FBXL2: variants seen among roughly 807,000 people sequenced by gnomAD.
FBXL2 encodes the protein F-box and leucine rich repeat protein 2.
FBXL2 carries 38 observed loss-of-function variants against 69.2 expected under a neutral mutation model. The observed-to-expected ratio is 0.55, with a 90% CI of 0.42 to 0.72. FBXL2 has a LOEUF of 0.72. Among genes scored for constraint, FBXL2 ranks in the 30% least tolerant of loss-of-function variants. FBXL2 has a pLI of 0.00. For missense variants in FBXL2, 354 were observed against 520.3 expected, an observed-to-expected ratio of 0.68 and a Z score of 3.11; for synonymous variants, 192 against 201.3, an observed-to-expected ratio of 0.95 and a Z score of 0.39.
intron 12 of FBXL2, chr3:33,396,188 C>T (rs2043986655): frequency 1.3e-6 from 2 of 1,593,276 alleles, no homozygotes; most frequent in African/African-American, 1.3e-5. Context: ...GCCATTCTCG[C>T]TTGCACTGCT....
At chr3:33,416,835 CTATT>C in the FBXL2 span, 1 of 1,612,434 alleles carries the variant, frequency 6.2e-7, no homozygotes, top group South Asian at 1.1e-5. Flanking sequence ...TATGACTGAC[CTATT>C]TAAAGAAATT....
chr3:33,312,273 G>A (rs1281714401), intron 2 of FBXL2, among the ~76,000 whole-genome samples: 2 of 151,986 alleles, frequency 1.3e-5, no homozygotes, highest in African/African-American at 2.4e-5. Flanking sequence ...GCCCAGGCTG[G>A]TCTCCAACTC....
At chr3:33,364,416 A>G in intron 4 of FBXL2, 1 of 578,152 alleles carries the variant, frequency 1.7e-6, no homozygotes, top group East Asian at 2.9e-5. Flanking sequence ...TTGGTTTTAG[A>G]ATACTTAATG....
chr3:33,318,876 G>C (rs1195566845), intron 2 of FBXL2, among the ~76,000 whole-genome samples: 2 of 152,160 alleles, frequency 1.3e-5, no homozygotes, highest in African/African-American at 2.4e-5. Context: ...CATTTATCCA[G>C]CTTACTTTTC....
chr3:33,278,388 G>C (rs1299562057), intron 1 of FBXL2: 7 of 152,266 alleles, frequency 4.6e-5, no homozygotes, highest in East Asian at 1.9e-4. Context: ...TAGAATACTT[G>C]AGGAGGTATG....
At chr3:33,385,434 A>C in intron 14 of FBXL2, 67 bp from the exon 15 acceptor site, 2 of 1,366,590 alleles carry the variant, frequency 1.5e-6, no homozygotes, top group Non-Finnish European at 2.1e-6. Flanking sequence ...AGGTTTTTCT[A>C]GAATTATGAC....
At chr3:33,294,763 A>G (rs2035581838) in intron 1 of FBXL2, among the ~76,000 whole-genome samples, 1 of 151,354 alleles carries the variant, frequency 6.6e-6, no homozygotes, top group South Asian at 2.1e-4. Context: ...GGATTGCTTG[A>G]GCCAGGGAGG....
At chr3:33,287,181 A>G (rs1184762427) in intron 1 of FBXL2, among the ~76,000 whole-genome samples, 1 of 151,968 alleles carries the variant, frequency 6.6e-6, no homozygotes, top group African/African-American at 2.4e-5. Flanking sequence ...TTTTTTTTTA[A>G]CTCAAGGTTT....
At chr3:33,278,957 T>G (rs2033647004) in intron 1 of FBXL2, among the ~76,000 whole-genome samples, 1 of 152,218 alleles carries the variant, frequency 6.6e-6, no homozygotes, top group African/African-American at 2.4e-5. Flanking sequence ...CTCATATTCC[T>G]CCTGTCATCC....
At chr3:33,318,060 T>C (rs1189104367) in intron 2 of FBXL2, among the ~76,000 whole-genome samples, 1 of 152,116 alleles carries the variant, frequency 6.6e-6, no homozygotes, top group African/African-American at 2.4e-5. Flanking sequence ...AACTTAGTAG[T>C]CTTCTAATTA....
At chr3:33,402,813 C>T in intron 12 of FBXL2, 1 of 1,590,234 alleles carries the variant, frequency 6.3e-7, no homozygotes, top group Non-Finnish European at 8.5e-7. Context: ...GTCTGGGACA[C>T]TGCAAGTGCT....
intron 12 of FBXL2, among the ~76,000 whole-genome samples, chr3:33,394,770 G>T (rs1323263539): frequency 6.6e-6 from 1 of 150,476 alleles, no homozygotes; most frequent in Non-Finnish European, 1.5e-5. Context: ...TCTAGAGCAG[G>T]TGTCACCAAA....
intron 1 of FBXL2, among the ~76,000 whole-genome samples, chr3:33,280,016 G>A (rs559903594): frequency 4.6e-5 from 7 of 152,276 alleles, no homozygotes; most frequent in African/African-American, 1.4e-4. Context: ...TAGGAAATTA[G>A]TTTTCTTTCT....
At chr3:33,409,090 A>T in the FBXL2 span, 2 of 812,002 alleles carry the variant, frequency 2.5e-6, no homozygotes, top group South Asian at 3.6e-5. Flanking sequence ...CCAAATTTAA[A>T]TATTTTCCCC....
At chr3:33,300,038 G>A (rs1230278607) in intron 2 of FBXL2, among the ~76,000 whole-genome samples, 2 of 152,134 alleles carry the variant, frequency 1.3e-5, no homozygotes, top group Non-Finnish European at 2.9e-5. Context: ...TTTCTCTAGA[G>A]TGGGCATCAA....
At chr3:33,321,301 C>T (rs1257730848) in intron 2 of FBXL2, among the ~76,000 whole-genome samples, 4 of 146,906 alleles carry the variant, frequency 2.7e-5, no homozygotes, top group African/African-American at 1.0e-4. Context: ...CAGAGCCTGA[C>T]TCCATCTCAA....
chr3:33,370,491 G>T (rs1180009554), intron 5 of FBXL2, among the ~76,000 whole-genome samples: 1 of 151,802 alleles, frequency 6.6e-6, no homozygotes, highest in Non-Finnish European at 1.5e-5. Flanking sequence ...TAAGGATGGT[G>T]CTCCTCTGTT....
intron 2 of FBXL2, among the ~76,000 whole-genome samples, chr3:33,323,305 A>G (rs1461958318): frequency 6.6e-6 from 1 of 152,118 alleles, no homozygotes; most frequent in East Asian, 1.9e-4. Flanking sequence ...AAAATGAACC[A>G]AATCTTCCTT....
At chr3:33,405,795 T>C (rs1295981983), downstream of FBXL2, among the ~76,000 whole-genome samples, 2 of 152,136 alleles carry the variant, frequency 1.3e-5, no homozygotes, top group Non-Finnish European at 2.9e-5. Context: ...AGTAGGTAAG[T>C]GTCAAGACCA....
Sources: gnomAD v4.1 joint callset for allele counts (sites outside exome capture counted in the v4.1 genomes callset) on GRCh38, gnomAD v4.1.1 for gene constraint, MANE v1.5 for transcripts, NCBI Gene and HGNC (gene_info 2026-07-23, HGNC 2026-07-21) for gene names.